Variants in CEACAM1 observed in about 807,000 individuals in gnomAD.
CEACAM1 encodes the protein CEA cell adhesion molecule 1, also known as cell adhesion molecule CEACAM1.
Under a neutral mutation model 49.1 loss-of-function variants are expected in CEACAM1, and 31 were observed. The observed-to-expected ratio is 0.63, with a 90% confidence interval of 0.47 to 0.85. The LOEUF is 0.85. Ranked by LOEUF, CEACAM1 falls within the 40% of genes least tolerant of loss-of-function variation. The probability of loss-of-function intolerance (pLI) is 0.00; values close to 1 mark genes in which losing one functional copy is unlikely to be tolerated. For synonymous variants in CEACAM1, 244 were observed against 247.8 expected, an observed-to-expected ratio of 0.98 and a Z score of 0.14; for missense variants, 570 against 645.3, an observed-to-expected ratio of 0.88 and a Z score of 1.26.
chr19:42,524,596 G>A (rs908624183), intron 2 of CEACAM1, among the ~76,000 whole-genome samples: 2 of 152,178 alleles, frequency 1.3e-5, no homozygotes, highest in African/African-American at 4.8e-5. Flanking sequence ...TGGGAGGTGG[G>A]CCTGGCCACA....
At chr19:42,511,207 G>A (rs753186051) in intron 7 of CEACAM1, 2 of 574,488 alleles carry the variant, frequency 3.5e-6, no homozygotes, top group Non-Finnish European at 6.2e-6. Flanking sequence ...GCAAGGAGGG[G>A]CATTGAGACT....
chr19:42,519,354 G>A, intron 4 of CEACAM1, 119 bp from the exon 5 acceptor site: 3 of 982,918 alleles, frequency 3.1e-6, no homozygotes, highest in Non-Finnish European at 4.6e-6. Context: ...AGTGAGCTGT[G>A]CAAAGGTCAC....
At chr19:42,522,775 C>T (rs372676715) in intron 2 of CEACAM1, among the ~76,000 whole-genome samples, 44 of 151,984 alleles carry the variant, frequency 2.9e-4, no homozygotes, top group Middle Eastern at 3.4e-3. Context: ...AGGATGGTCT[C>T]GACCTCCTGA....
At chr19:42,516,803 C>A (rs565676352) in intron 5 of CEACAM1, 3 of 370,732 alleles carry the variant, frequency 8.1e-6, no homozygotes, top group African/African-American at 6.8e-5. Flanking sequence ...GAGGTGGAGG[C>A]GGGTGGATTG....
rs138618516 is a variant in CEACAM1, at chr19:42,519,016, G to A, written c.1178C>T (p.Thr393Met). 107 of 1,597,238 alleles carry A rather than the reference G, an allele frequency of 6.7e-5. 1 individual carries two copies. In the African/African-American group the frequency reaches 7.5e-4, roughly 11 times the overall value. Reference sequence around the variant, plus strand: ...TGGGTTGAAGACCTCACACCAATACGTCCCAGCATCCTCCCTCTTGACAGG... The same window carrying A: ...TGGGTTGAAGACCTCACACCAATACATCCCAGCATCCTCCCTCTTGACAGG... Reference protein sequence around the residue: ...INPVKREDAGTYWCEVFNPIS... With the variant: ...INPVKREDAGMYWCEVFNPIS... Residue 393 changes from threonine (T) to methionine (M), a missense_variant, in exon 5 of 9, where the codon ACG becomes ATG. Physicochemically the swap from Thr to Met is moderately conservative, Grantham distance 81. Transcript: ENST00000161559.
intron 4 of CEACAM1, 196 bp downstream of exon 4, chr19:42,521,071 A>C: frequency 1.6e-6 from 1 of 638,552 alleles, no homozygotes; most frequent in Non-Finnish European, 2.7e-6. Flanking sequence ...GCTGGACCTA[A>C]GGTCAGCTGT....
At chr19:42,522,443 T>C (rs993324552) in intron 2 of CEACAM1, among the ~76,000 whole-genome samples, 1 of 150,922 alleles carries the variant, frequency 6.6e-6, no homozygotes, top group Non-Finnish European at 1.5e-5. Flanking sequence ...CCTGACGGGG[T>C]TTCACCGTGT....
intron 5 of CEACAM1, chr19:42,516,917 C>T (rs538966666): frequency 7.5e-6 from 3 of 400,738 alleles, no homozygotes; most frequent in African/African-American, 6.6e-5. Context: ...CAAACAACAA[C>T]AATAAAACAA....
rs1392472550 is a variant in CEACAM1 at position 42,507,394 on chromosome 19, TAACAC to T, written c.*1710_*1714del. 1 of 152,122 alleles carries T rather than the reference TAACAC, an allele frequency of 6.6e-6. No homozygotes were observed. The highest frequency in any genetic ancestry group is 2.4e-5 in the African/African-American group (1 of 41,422). 9.4% of individuals were successfully genotyped at this position (152,122 alleles called of 1,614,324 possible). On this transcript the variant is annotated 3_prime_UTR_variant, in exon 9 of 9. Transcript: ENST00000161559. ...ATGATCTTAGCCAGGAAAAATTAAATAACACAGCACAGCATGGATGAGGGAAAGTA... is the reference window on the plus strand; with the variant it reads ...ATGATCTTAGCCAGGAAAAATTAAATAGCACAGCATGGATGAGGGAAAGTA...
In CEACAM1 at chr19:42,527,405, G is replaced by C. The variant is rs145371565; in HGVS notation, c.65-5C>G. The C allele has an allele frequency of 1.9e-4, 300 of 1,581,020 alleles. No individual in the cohort carries two copies. The African/African-American group carries it at 3.5e-3, about 18-fold the overall frequency. ...TCCAGAAGGTTAGAAGTGAGGCTAG[G>C]AGAGAGGAGAGAGCATCAGTCAATA... On this transcript the variant is annotated splice_region_variant and splice_polypyrimidine_tract_variant and intron_variant, in intron 1 of 8. Coordinates refer to ENST00000161559, the MANE Select transcript of CEACAM1 (RefSeq NM_001712.5).
chr19:42,522,396 T>C (rs1001977472), intron 2 of CEACAM1, among the ~76,000 whole-genome samples, 194 bp from the exon 3 acceptor site: 6 of 152,082 alleles, frequency 3.9e-5, no homozygotes, highest in Non-Finnish European at 5.9e-5. Flanking sequence ...TGCCTCAGCT[T>C]CCTGAGTAGC....
intron 8 of CEACAM1, 124 bp from the exon 9 acceptor site, chr19:42,509,352 G>A (rs2041398966): frequency 1.8e-6 from 2 of 1,103,628 alleles, no homozygotes; most frequent in South Asian, 1.6e-5. Flanking sequence ...AAGGGCTTTT[G>A]TTGTTACCCA....
rs2041361590 is a variant in CEACAM1, at chr19:42,507,348, A to AT, written c.*1760dup. On this transcript the variant is annotated 3_prime_UTR_variant, in exon 9 of 9. Transcript: ENST00000161559. ...ATTTTTATTATAAAAACATAGAATA[A>AT]TTTTCATACATAATTCAGACATGAT... 1.3e-5 allele frequency: 2 copies of AT among 152,314 alleles called. No individual in the cohort carries two copies. Among genetic ancestry groups the AT allele is most frequent in the South Asian group, 4.1e-4 (2 of 4,826 alleles). The allele number at this position is 152,314 out of a possible 1,614,324, so 9.4% of individuals were successfully genotyped here. A position where few individuals can be genotyped will look rare whatever the true frequency, so the allele number is the denominator to read the frequency against.
At chr19:42,513,958 C>CTTTTTTTTTTTTTTTT (rs869304469) in intron 5 of CEACAM1, among the ~76,000 whole-genome samples, 3 of 86,868 alleles carry the variant, frequency 3.5e-5, no homozygotes, top group Non-Finnish European at 6.5e-5. Flanking sequence ...TCTTCTTCTT[C>CTTTTTTTTTTTTTTTT]TTTTTTTTTT....
chr19:42,521,381 G>C lies in CEACAM1; in HGVS notation c.844C>G (p.Gln282Glu). 6.2e-7 allele frequency: 1 copy of C among 1,614,242 alleles called. No individual in the cohort carries two copies. The change falls in exon 4 of 9, where the codon CAA becomes GAA. Residue 282 changes from glutamine to glutamate, a missense_variant. Gln to Glu is a conservative substitution (Grantham distance 29). Transcript: ENST00000161559. ...GTGATGTTAGGGATAAAGAGCTCTTGTGTGCTTTGCTGGAATGTTCCATTG... is the reference window on the plus strand; with the variant it reads ...GTGATGTTAGGGATAAAGAGCTCTTCTGTGCTTTGCTGGAATGTTCCATTG... ...LINGTFQQST[Q>E]ELFIPNITVN... is the part of the protein sequence containing the mutation.
At chr19:42,528,230 A>T in intron 1 of CEACAM1, 81 bp downstream of exon 1, 1 of 1,238,260 alleles carries the variant, frequency 8.1e-7, no homozygotes, top group Non-Finnish European at 1.2e-6. Flanking sequence ...GTCCCCTCTT[A>T]GAGCTCCATC....
rs753803949 is a variant in CEACAM1 at position 42,527,033 on chromosome 19, A to G, written c.424+8T>C. The G allele has an allele frequency of 2.5e-6, 4 of 1,587,854 alleles. No homozygotes were observed. Among genetic ancestry groups the G allele is most frequent in the Non-Finnish European group, 3.4e-6 (4 of 1,167,600 alleles). ...CCCAACACCCAGAGGTCATGGGGAA[A>G]TACTCACGGTATACATGGAACTGTC... On this transcript the variant is annotated splice_region_variant and intron_variant, in intron 2 of 8. Coordinates refer to ENST00000161559, the MANE Select transcript of CEACAM1 (RefSeq NM_001712.5).
rs1334572095 is a variant in CEACAM1, at chr19:42,511,601, C to T, written c.1404G>A (p.Glu468=). 4 of 1,613,970 alleles carry T rather than the reference C, an allele frequency of 2.5e-6. No homozygotes were observed. The highest frequency in any genetic ancestry group is 3.4e-6 in the Non-Finnish European group (4 of 1,179,964). Residue 468 remains glutamate, a synonymous_variant, in exon 7 of 9, where the codon GAG becomes GAA. Coordinates refer to ENST00000161559, the MANE Select transcript of CEACAM1 (RefSeq NM_001712.5). ...TGTGGTTGGAGACTGAGGGTTTGTG[C>T]TCTGTGAGATCACGCTGGTCGCTTG... The part of the protein sequence containing the change: ...GRASDQRDLT[E]HKPSVSNHTQ...
At position 42,508,130 on chromosome 19, in the gene CEACAM1, T is replaced by C. The variant is rs1280966598; in HGVS notation, c.*979A>G. On this transcript the variant is annotated 3_prime_UTR_variant, in exon 9 of 9. Transcript: ENST00000161559. ...GATTGGCTGACATAGCTAAGCTAAG[T>C]AAAAATAACCCTTTTCACATAAATA... 1 of 152,192 alleles carries C rather than the reference T, an allele frequency of 6.6e-6. No homozygotes were observed. Among genetic ancestry groups the C allele is most frequent in the African/African-American group, 2.4e-5 (1 of 41,454 alleles). 9.4% of individuals were successfully genotyped at this position (152,192 alleles called of 1,614,324 possible). A position where few individuals can be genotyped will look rare whatever the true frequency, so the allele number is the denominator to read the frequency against.
Sources: gnomAD v4.1 joint callset for allele counts (sites outside exome capture counted in the v4.1 genomes callset) on GRCh38, gnomAD v4.1.1 for gene constraint, MANE v1.5 for transcripts, NCBI Gene and HGNC (gene_info 2026-07-23, HGNC 2026-07-21) for gene names.